The following RBFOX1 variants were observed in gnomAD, a reference collection of about 807,000 sequenced individuals.
RBFOX1 encodes the protein RNA binding protein fox-1 homolog 1.
RBFOX1 carries 8 observed loss-of-function variants against 57.7 expected under a neutral mutation model. The ratio of observed to expected loss-of-function variants is 0.14; its 90% CI spans 0.08 to 0.25. The LOEUF (loss-of-function observed/expected upper bound fraction) is 0.25. Among genes scored for constraint, RBFOX1 ranks in the 10% least tolerant of loss-of-function variants. The probability of loss-of-function intolerance (pLI) is 1.00; values close to 1 mark genes in which losing one functional copy is unlikely to be tolerated. For synonymous variants in RBFOX1, 326 were observed against 222.4 expected, an observed-to-expected ratio of 1.47 and a Z score of -4.15; for missense variants, 611 against 548.5, an observed-to-expected ratio of 1.11 and a Z score of -1.14.
At chr16:7,252,558 A>T (rs912907525) in intron 4 of RBFOX1, among the ~76,000 whole-genome samples, 6 of 152,248 alleles carry the variant, frequency 3.9e-5, no homozygotes, top group Non-Finnish European at 8.8e-5. Flanking sequence ...AAGCTTGTCC[A>T]TCATCCAATA....
intron 3 of RBFOX1, among the ~76,000 whole-genome samples, chr16:7,015,009 C>G (rs2093838412): frequency 6.6e-6 from 1 of 152,162 alleles, no homozygotes; most frequent in Non-Finnish European, 1.5e-5. Context: ...CAGGTGTGAG[C>G]CACCGTGCTT....
At chr16:6,708,016 C>A (rs1266229739) in intron 3 of RBFOX1, among the ~76,000 whole-genome samples, 1 of 152,000 alleles carries the variant, frequency 6.6e-6, no homozygotes, top group Non-Finnish European at 1.5e-5. Flanking sequence ...GTTTCAAAAC[C>A]TTAGTTTCAG....
At chr16:5,451,478 T>C (rs973995728) in intron 1 of RBFOX1, among the ~76,000 whole-genome samples, 6 of 152,154 alleles carry the variant, frequency 3.9e-5, no homozygotes, top group Non-Finnish European at 5.9e-5. Flanking sequence ...CTTTGAATGA[T>C]TTGATGGGGG....
chr16:7,290,892 T>C (rs1296495588), intron 4 of RBFOX1, among the ~76,000 whole-genome samples: 1 of 152,214 alleles, frequency 6.6e-6, no homozygotes, highest in East Asian at 1.9e-4. Context: ...TACCCAGCAA[T>C]ACCCCTGTGA....
chr16:6,978,096 A>G (rs1029265207), intron 3 of RBFOX1, among the ~76,000 whole-genome samples: 5 of 147,156 alleles, frequency 3.4e-5, no homozygotes, highest in African/African-American at 1.3e-4. Flanking sequence ...TGTCAATTAC[A>G]GCTGACTTTG....
At chr16:6,319,436 T>A (rs2081499067) in intron 2 of RBFOX1, among the ~76,000 whole-genome samples, 1 of 152,180 alleles carries the variant, frequency 6.6e-6, no homozygotes, top group African/African-American at 2.4e-5. Flanking sequence ...ACTTGTTGGA[T>A]ATAATGATGG....
chr16:7,683,503 G>C (rs760478930), intron 14 of RBFOX1, among the ~76,000 whole-genome samples: 1 of 152,064 alleles, frequency 6.6e-6, no homozygotes, highest in African/African-American at 2.4e-5. Context: ...ACAGTCAACA[G>C]ACTGGACCAC....
intron 4 of RBFOX1, among the ~76,000 whole-genome samples, chr16:7,418,659 A>C (rs2149299368): frequency 6.6e-6 from 1 of 152,320 alleles, no homozygotes; most frequent in East Asian, 1.9e-4. Flanking sequence ...TAGATATTGA[A>C]GAATTTTTAC....
At chr16:6,854,048 T>A (rs1248351097) in intron 3 of RBFOX1, among the ~76,000 whole-genome samples, 1 of 152,176 alleles carries the variant, frequency 6.6e-6, no homozygotes, top group Admixed American at 6.5e-5. Flanking sequence ...GGCAGTTAAG[T>A]CTTTGTTCCT....
intron 1 of RBFOX1, among the ~76,000 whole-genome samples, chr16:6,296,048 G>C (rs562254675): frequency 6.6e-6 from 1 of 152,342 alleles, no homozygotes; most frequent in East Asian, 1.9e-4. Context: ...AAAGGAAGCT[G>C]AGCCCAGGAT....
At chr16:5,432,850 A>T (rs534894435) in intron 1 of RBFOX1, among the ~76,000 whole-genome samples, 1 of 151,706 alleles carries the variant, frequency 6.6e-6, no homozygotes, top group Non-Finnish European at 1.5e-5. Context: ...CAGTGGCGCA[A>T]TCTCGGTTCA....
At chr16:5,320,986 A>G (rs1335788872) in intron 1 of RBFOX1, among the ~76,000 whole-genome samples, 1 of 152,152 alleles carries the variant, frequency 6.6e-6, no homozygotes, top group African/African-American at 2.4e-5. Context: ...TCTTCTGTCT[A>G]TAGTCAGATG....
chr16:7,563,720 G>C (rs538427746), intron 5 of RBFOX1, among the ~76,000 whole-genome samples: 1 of 152,006 alleles, frequency 6.6e-6, no homozygotes, highest in African/African-American at 2.4e-5. Flanking sequence ...CACCCACCTC[G>C]GCCTCCCAAA....
chr16:6,953,152 T>C (rs916831667), intron 3 of RBFOX1, among the ~76,000 whole-genome samples: 4 of 152,148 alleles, frequency 2.6e-5, no homozygotes, highest in Non-Finnish European at 5.9e-5. Flanking sequence ...CTCTTTCCAC[T>C]GAAGGAAAAA....
intron 4 of RBFOX1, among the ~76,000 whole-genome samples, chr16:7,084,549 G>A (rs552024619): frequency 1.3e-5 from 2 of 152,128 alleles, no homozygotes; most frequent in Admixed American, 1.3e-4. Flanking sequence ...CAAAAGAAAG[G>A]GGAATGTCAA....
intron 4 of RBFOX1, among the ~76,000 whole-genome samples, chr16:7,488,280 G>A (rs2065944641): frequency 6.6e-6 from 1 of 152,160 alleles, no homozygotes; most frequent in Non-Finnish European, 1.5e-5. Context: ...GGATGGCTGT[G>A]CAGTTTCCCT....
chr16:7,050,389 C>G (rs2049623327), intron 3 of RBFOX1, among the ~76,000 whole-genome samples: 1 of 151,706 alleles, frequency 6.6e-6, no homozygotes. Context: ...CTTCAGCCAA[C>G]TGAGTAGCTG....
chr16:5,882,999 A>G (rs1054874288), intron 4 of RBFOX1, among the ~76,000 whole-genome samples: 27 of 152,116 alleles, frequency 1.8e-4, no homozygotes, highest in Non-Finnish European at 2.9e-5. Context: ...TTTGGTGTGT[A>G]TTTTTAATTT....
intron 4 of RBFOX1, chr16:7,333,045 C>A: frequency 1.2e-6 from 2 of 1,613,916 alleles, no homozygotes; most frequent in Non-Finnish European, 1.7e-6. Context: ...TATGGCGTGC[C>A]TATGATTGTA....
Sources: gnomAD v4.1 joint callset for allele counts (sites outside exome capture counted in the v4.1 genomes callset) on GRCh38, gnomAD v4.1.1 for gene constraint, MANE v1.5 for transcripts, NCBI Gene and HGNC (gene_info 2026-07-23, HGNC 2026-07-21) for gene names.